Variants in PDE4D observed in about 807,000 individuals in gnomAD.
The protein encoded by PDE4D is 3',5'-cyclic-AMP phosphodiesterase 4D.
In PDE4D, 24 loss-of-function variants were observed where a neutral mutation model predicts 87.4. That is an observed-to-expected ratio of 0.27 (90% confidence interval 0.20 to 0.39). The LOEUF (loss-of-function observed/expected upper bound fraction) is 0.39. Ranked by LOEUF, PDE4D falls within the 10% of genes least tolerant of loss-of-function variation. The pLI is 1.00. For synonymous variants in PDE4D, 384 were observed against 383.2 expected, an observed-to-expected ratio of 1.00 and a Z score of -0.02; for missense variants, 714 against 1,041.0, an observed-to-expected ratio of 0.69 and a Z score of 4.32.
intron 1 of PDE4D, among the ~76,000 whole-genome samples, chr5:59,664,315 A>G (rs1443614624): frequency 6.6e-6 from 1 of 152,240 alleles, no homozygotes; most frequent in Non-Finnish European, 1.5e-5. Flanking sequence ...GGCACCTACA[A>G]TACAACTAGA....
At chr5:60,300,037 T>C (rs1187518596) in intron 1 of PDE4D, among the ~76,000 whole-genome samples, 1 of 152,202 alleles carries the variant, frequency 6.6e-6, no homozygotes, top group Non-Finnish European at 1.5e-5. Context: ...GCATTCCTTT[T>C]TCTCTACAAC....
chr5:60,262,907 T>C (rs778131838), intron 1 of PDE4D, among the ~76,000 whole-genome samples: 2 of 152,182 alleles, frequency 1.3e-5, no homozygotes, highest in Non-Finnish European at 2.9e-5. Context: ...TTTCTAATTA[T>C]CTGTACTTTG....
chr5:60,020,994 C>T (rs1213604252), intron 2 of PDE4D, among the ~76,000 whole-genome samples: 2 of 152,108 alleles, frequency 1.3e-5, no homozygotes, highest in African/African-American at 4.8e-5. Flanking sequence ...TTTATTCAAA[C>T]CAATCATTTG....
chr5:60,074,830 GT>G lies in PDE4D; in HGVS notation c.43-86114del, dbSNP rs532679506. Among the ~76,000 whole-genome samples, 9 of 152,094 alleles carry G rather than the reference GT, an allele frequency of 5.9e-5. No individual in the cohort carries two copies. The East Asian group carries it at 1.2e-3, about 20-fold the overall frequency. ...GTCTGAAATTAGGATTGCAACCCCT[GT>G]TTTTTTCTGTTTTGCATTTTTTGGT... On this transcript the variant is annotated intron_variant, in intron 2 of 16. Coordinates refer to the PDE4D transcript ENST00000502484.
In PDE4D at chr5:59,159,426, C is replaced by G. The variant is rs558192889; in HGVS notation, c.808+21169G>C. On this transcript the variant is annotated intron_variant, in intron 5 of 14. Transcript: ENST00000340635. ...GCGATTAGAGGTGTGAGCCACCACA[C>G]CTAGACAGTTTCTTTTGCACATGTA... is the stretch of plus-strand genomic sequence containing the variant. Among the ~76,000 whole-genome samples, 136 of 152,258 alleles carry G rather than the reference C, an allele frequency of 8.9e-4. 2 individuals carry two copies. In the South Asian group the frequency reaches 0.027, roughly 31 times the overall value.
At chr5:59,351,461 G>A (rs1780520477) in intron 1 of PDE4D, among the ~76,000 whole-genome samples, 1 of 152,192 alleles carries the variant, frequency 6.6e-6, no homozygotes, top group African/African-American at 2.4e-5. Context: ...GACTATGCCA[G>A]TAGAATAAAT....
intron 1 of PDE4D, among the ~76,000 whole-genome samples, chr5:59,404,327 C>T (rs1397609541): frequency 6.6e-6 from 1 of 152,078 alleles, no homozygotes; most frequent in Admixed American, 6.6e-5. Flanking sequence ...TGTCTATTTT[C>T]GCTTTGGTTG....
intron 1 of PDE4D, among the ~76,000 whole-genome samples, chr5:59,615,470 C>T (rs928698075): frequency 2.0e-5 from 3 of 152,068 alleles, no homozygotes; most frequent in Admixed American, 1.3e-4. Context: ...CCACGAAATA[C>T]TCATGACTAT....
chr5:60,512,913 T>C (rs1318155746), intron 1 of PDE4D, among the ~76,000 whole-genome samples: 1 of 152,186 alleles, frequency 6.6e-6, no homozygotes, highest in Admixed American at 6.5e-5. Context: ...CTGAGGGGGT[T>C]AATATTGATG....
intron 6 of PDE4D, among the ~76,000 whole-genome samples, chr5:59,034,253 T>A (rs1401081614): frequency 1.3e-5 from 2 of 152,214 alleles, no homozygotes; most frequent in South Asian, 4.1e-4. Context: ...TCTATAATTA[T>A]AGAAGATATT....
chr5:59,422,574 C>G (rs562131975), intron 1 of PDE4D, among the ~76,000 whole-genome samples: 171 of 152,258 alleles, frequency 1.1e-3, no homozygotes, highest in Middle Eastern at 3.4e-3. Flanking sequence ...TAATTTTCTT[C>G]AACTTAAGAG....
chr5:59,053,655 G>GTTTTTTTTTTTT (rs1367942598), intron 5 of PDE4D, among the ~76,000 whole-genome samples: 2 of 74,910 alleles, frequency 2.7e-5, no homozygotes, highest in African/African-American at 1.1e-4. Context: ...GTTTTTTTTT[G>GTTTTTTTTTTTT]TTGTTGTTTT....
At chr5:59,394,115 G>A (rs1788809911) in intron 1 of PDE4D, among the ~76,000 whole-genome samples, 1 of 143,702 alleles carries the variant, frequency 7.0e-6, no homozygotes, top group Admixed American at 6.9e-5. Context: ...AAAATATACT[G>A]TGTCGTTTGA....
At chr5:59,887,720 AGTGT>A (rs141991192) in intron 1 of PDE4D, among the ~76,000 whole-genome samples, 37 of 150,870 alleles carry the variant, frequency 2.5e-4, no homozygotes, top group African/African-American at 3.2e-4. Context: ...GCAAGCCATC[AGTGT>A]GTGTGTGTGT....
chr5:60,202,709 G>A (rs940537807), intron 1 of PDE4D, among the ~76,000 whole-genome samples: 7 of 151,548 alleles, frequency 4.6e-5, no homozygotes, highest in Admixed American at 2.6e-4. Flanking sequence ...TCAACCATGC[G>A]AGAAAACAAA....
intron 1 of PDE4D, among the ~76,000 whole-genome samples, chr5:59,262,686 A>G (rs79343870): frequency 0.015 from 2,318 of 151,988 alleles, 59 homozygotes; most frequent in African/African-American, 0.053. Context: ...TGGGGTTTCA[A>G]GATGCACACA....
intron 1 of PDE4D, among the ~76,000 whole-genome samples, chr5:59,351,262 G>T (rs749783262): frequency 2.0e-5 from 3 of 152,148 alleles, no homozygotes; most frequent in Non-Finnish European, 4.4e-5. Context: ...TGGCACTGAA[G>T]CTGGGTCTGT....
chr5:59,155,939 G>T (rs1780112086), intron 5 of PDE4D, among the ~76,000 whole-genome samples: 1 of 152,150 alleles, frequency 6.6e-6, no homozygotes, highest in Non-Finnish European at 1.5e-5. Flanking sequence ...GTTATTTGCT[G>T]AAAGGAGATG....
intron 2 of PDE4D, among the ~76,000 whole-genome samples, chr5:60,093,045 T>C (rs1355281849): frequency 2.7e-5 from 4 of 150,902 alleles, no homozygotes; most frequent in Non-Finnish European, 5.9e-5. Flanking sequence ...ATCTGATAGA[T>C]TGAATGTGTC....
Sources: gnomAD v4.1 joint callset for allele counts (sites outside exome capture counted in the v4.1 genomes callset) on GRCh38, gnomAD v4.1.1 for gene constraint, MANE v1.5 for transcripts, NCBI Gene and HGNC (gene_info 2026-07-23, HGNC 2026-07-21) for gene names.